SLC4A4: variants seen among roughly 807,000 people sequenced by gnomAD.
The protein encoded by SLC4A4 is solute carrier family 4 member 4, also known as electrogenic sodium bicarbonate cotransporter 1.
A neutral mutation model predicts 111.5 loss-of-function variants in SLC4A4; 27 were observed. The ratio of observed to expected loss-of-function variants is 0.24; its 90% CI spans 0.18 to 0.33. The LOEUF (loss-of-function observed/expected upper bound fraction) is 0.33, where lower values mean the gene tolerates loss of function less well. Among genes scored for constraint, SLC4A4 ranks in the 10% least tolerant of loss-of-function variants. SLC4A4 has a pLI of 1.00. For synonymous variants in SLC4A4, 443 were observed against 463.4 expected, an observed-to-expected ratio of 0.96 and a Z score of 0.57; for missense variants, 909 against 1,315.5, an observed-to-expected ratio of 0.69 and a Z score of 4.78.
chr4:71,338,152 G>A (rs1728582190), intron 3 of SLC4A4, among the ~76,000 whole-genome samples: 1 of 151,952 alleles, frequency 6.6e-6, no homozygotes. Context: ...CATTTTAATA[G>A]GTGAAACACA....
intron 3 of SLC4A4, among the ~76,000 whole-genome samples, chr4:71,332,093 AT>A (rs1728048844): frequency 6.6e-6 from 1 of 151,784 alleles, no homozygotes; most frequent in Non-Finnish European, 1.5e-5. Context: ...AAGGTTTGTC[AT>A]TTTTGTTTAT....
chr4:71,378,481 T>C lies in SLC4A4; in HGVS notation c.731-19096T>C, dbSNP rs57854369. Among the ~76,000 whole-genome samples the C allele has an allele frequency of 9.0e-3, 1,372 of 152,276 alleles. 22 individuals are homozygous for C. Among genetic ancestry groups the C allele is most frequent in the African/African-American group, 0.03 (1,226 of 41,522 alleles). ...AGACTGTGGTTTTACAGGAGACTTCTGAAGTATACTACATTAATTTGAAAC... is the reference window on the plus strand; with the variant it reads ...AGACTGTGGTTTTACAGGAGACTTCCGAAGTATACTACATTAATTTGAAAC... On this transcript the variant is annotated intron_variant, in intron 6 of 25. Transcript: ENST00000264485.
chr4:71,161,040 TG>T (rs1354139514), intron 2 of SLC4A4, among the ~76,000 whole-genome samples: 1 of 152,162 alleles, frequency 6.6e-6, no homozygotes, highest in South Asian at 2.1e-4. Context: ...GCTCTATGCC[TG>T]GGGGCTGGGG....
At chr4:71,283,253 CA>C (rs143121403) in intron 3 of SLC4A4, among the ~76,000 whole-genome samples, 4,635 of 152,238 alleles carry the variant, frequency 0.03, 246 homozygotes, top group African/African-American at 0.11. Flanking sequence ...CCTTTTGAAG[CA>C]TTTGAATGAA....
At chr4:71,141,935 C>T (rs1350402187) in intron 2 of SLC4A4, among the ~76,000 whole-genome samples, 1 of 152,188 alleles carries the variant, frequency 6.6e-6, no homozygotes, top group Non-Finnish European at 1.5e-5. Flanking sequence ...ACTTTCTAAC[C>T]TTTCCCATCT....
chr4:71,536,398 T>C (rs1330968551), intron 18 of SLC4A4, among the ~76,000 whole-genome samples: 2 of 142,648 alleles, frequency 1.4e-5, no homozygotes, highest in African/African-American at 2.6e-5. Context: ...AAATTTGCCA[T>C]AGTCTAGATC....
intron 2 of SLC4A4, among the ~76,000 whole-genome samples, chr4:71,135,523 T>C (rs1223986436): frequency 6.6e-6 from 1 of 152,134 alleles, no homozygotes; most frequent in Non-Finnish European, 1.5e-5. Flanking sequence ...CTCGAACTCC[T>C]GACCTCAGGT....
At chr4:71,252,839 C>T (rs1230992863) in intron 2 of SLC4A4, among the ~76,000 whole-genome samples, 1 of 152,240 alleles carries the variant, frequency 6.6e-6, no homozygotes, top group East Asian at 1.9e-4. Flanking sequence ...TTGCACAACT[C>T]TGTAAATATA....
At chr4:71,400,503 G>T (rs905164232) in intron 7 of SLC4A4, among the ~76,000 whole-genome samples, 3 of 152,124 alleles carry the variant, frequency 2.0e-5, no homozygotes, top group African/African-American at 2.4e-5. Context: ...GCAAAGGAAG[G>T]TTGATGAATA....
chr4:71,280,061 T>G (rs1288690156), intron 3 of SLC4A4, among the ~76,000 whole-genome samples: 2 of 152,364 alleles, frequency 1.3e-5, no homozygotes, highest in Non-Finnish European at 2.9e-5. Flanking sequence ...CCCAAAGTGC[T>G]GGGATCACAG....
At chr4:71,550,435 G>A (rs143421627) in intron 20 of SLC4A4, among the ~76,000 whole-genome samples, 18 of 151,986 alleles carry the variant, frequency 1.2e-4, no homozygotes, top group African/African-American at 4.3e-4. Context: ...TGAGGGTACA[G>A]TTTAACTAAA....
At chr4:71,074,059 G>A (rs1337524064) in intron 1 of SLC4A4, among the ~76,000 whole-genome samples, 1 of 152,070 alleles carries the variant, frequency 6.6e-6, no homozygotes, top group Admixed American at 6.6e-5. Context: ...ATCCAGGAAA[G>A]GTGCTACTAT....
At chr4:71,565,745 C>T (rs941482529) in intron 24 of SLC4A4, among the ~76,000 whole-genome samples, 2 of 151,794 alleles carry the variant, frequency 1.3e-5, no homozygotes, top group African/African-American at 2.4e-5. Context: ...AACAAACATT[C>T]TTGACAGCAT....
chr4:71,213,912 G>T (rs2149014776), intron 1 of SLC4A4, among the ~76,000 whole-genome samples: 1 of 152,282 alleles, frequency 6.6e-6, no homozygotes, highest in South Asian at 2.1e-4. Context: ...TCAGAATTGT[G>T]AGAAATAAAT....
At chr4:71,356,440 A>G (rs1730290135) in intron 5 of SLC4A4, among the ~76,000 whole-genome samples, 1 of 152,230 alleles carries the variant, frequency 6.6e-6, no homozygotes, top group Admixed American at 6.5e-5. Context: ...CTCCTTTCTT[A>G]GAAAAGACTA....
At chr4:71,398,645 C>G (rs1720066526) in intron 7 of SLC4A4, among the ~76,000 whole-genome samples, 1 of 151,976 alleles carries the variant, frequency 6.6e-6, no homozygotes, top group Non-Finnish European at 1.5e-5. Context: ...AGACTGTTTC[C>G]CCAGGATTGA....
At chr4:71,118,476 T>G (rs569490644) in intron 2 of SLC4A4, among the ~76,000 whole-genome samples, 1 of 152,326 alleles carries the variant, frequency 6.6e-6, no homozygotes, top group South Asian at 2.1e-4. Context: ...TATTTAGATT[T>G]ATGTACTTAT....
chr4:71,300,218 A>C lies in SLC4A4; in HGVS notation c.254-39152A>C, dbSNP rs557962291. ...GAGGGGGCTCTGATGGTGGCACCCA[A>C]TATACAGGGTCTGGAGTCAGGGTGA... On this transcript the variant is annotated intron_variant, in intron 3 of 25. Coordinates refer to ENST00000264485, the MANE Select transcript of SLC4A4 (RefSeq NM_001098484.3). 22 of 188,528 alleles carry C rather than the reference A, an allele frequency of 1.2e-4. No homozygotes were observed. In the East Asian group the frequency reaches 2.8e-3, roughly 24 times the overall value. The allele number at this position is 188,528 out of a possible 1,614,324, so 11.7% of individuals were successfully genotyped here.
chr4:71,269,835 C>T (rs1722576480), intron 3 of SLC4A4, among the ~76,000 whole-genome samples: 1 of 152,138 alleles, frequency 6.6e-6, no homozygotes, highest in Non-Finnish European at 1.5e-5. Context: ...GTGTTTAGAT[C>T]CCAGTATACT....
Sources: allele counts gnomAD v4.1 joint callset (sites outside exome capture counted in the v4.1 genomes callset), GRCh38; gene constraint gnomAD v4.1.1; transcripts MANE v1.5; gene names NCBI Gene and HGNC (gene_info 2026-07-23, HGNC 2026-07-21).